The following NAA11 variants were observed in gnomAD, a reference collection of about 807,000 sequenced individuals.
NAA11 encodes N-alpha-acetyltransferase 11, NatA catalytic subunit.
A neutral mutation model predicts 16.1 loss-of-function variants in NAA11; 15 were observed. The observed-to-expected ratio is 0.93, with a 90% confidence interval of 0.62 to 1.44. NAA11 has a LOEUF of 1.44. NAA11 is among the 40% of genes most tolerant of loss of function. The probability of loss-of-function intolerance (pLI) is 0.00; values close to 1 mark genes in which losing one functional copy is unlikely to be tolerated. For synonymous variants in NAA11, 122 were observed against 112.4 expected (o/e 1.09, Z -0.54); for missense variants, 298 against 291.3 (o/e 1.02, Z -0.17).
At chr4:79,158,896 T>C in the NAA11 span, among the ~76,000 whole-genome samples, 95 of 151,812 alleles carry the variant, frequency 6.3e-4, 1 homozygote, top group Non-Finnish European at 1.2e-3. Context: ...GGTGCTCAGA[T>C]GATTGGCAAG....
At chr4:79,168,501 T>G in the NAA11 span, among the ~76,000 whole-genome samples, 1 of 152,192 alleles carries the variant, frequency 6.6e-6, no homozygotes, top group African/African-American at 2.4e-5. Context: ...TGTAAAAGTG[T>G]TCCTGTTTCT....
intron 2 of NAA11, among the ~76,000 whole-genome samples, chr4:79,284,920 T>C (rs1578178463): frequency 1.3e-5 from 2 of 151,830 alleles, no homozygotes; most frequent in South Asian, 4.2e-4. Flanking sequence ...GATTGAGGTC[T>C]TTAAGAATGT....
At chr4:79,251,263 T>G (rs899203303) in intron 2 of NAA11, among the ~76,000 whole-genome samples, 4 of 152,332 alleles carry the variant, frequency 2.6e-5, no homozygotes, top group Admixed American at 6.5e-5. Flanking sequence ...AAGAAAATGT[T>G]GTATATATAC....
downstream of NAA11, among the ~76,000 whole-genome samples, chr4:79,311,980 C>G (rs1274130490): frequency 1.3e-5 from 2 of 152,160 alleles, no homozygotes; most frequent in Non-Finnish European, 2.9e-5. Flanking sequence ...AAGAGCAGTT[C>G]TATGGGGCTG....
At chr4:79,167,459 A>G in the NAA11 span, among the ~76,000 whole-genome samples, 1 of 151,620 alleles carries the variant, frequency 6.6e-6, no homozygotes, top group Non-Finnish European at 1.5e-5. Context: ...TATGATAGGG[A>G]TAATAGTATC....
At chr4:79,177,990 T>C in the NAA11 span, among the ~76,000 whole-genome samples, 4 of 152,186 alleles carry the variant, frequency 2.6e-5, no homozygotes, top group Non-Finnish European at 5.9e-5. Flanking sequence ...TCATAGCTGT[T>C]CTCAGATTGT....
the NAA11 span, among the ~76,000 whole-genome samples, chr4:79,212,325 G>T: frequency 6.6e-6 from 1 of 151,664 alleles, no homozygotes. Context: ...TTTTACTCTG[G>T]GCCATTATTT....
chr4:79,286,424 G>T (rs1377676893), intron 2 of NAA11, among the ~76,000 whole-genome samples: 3 of 152,034 alleles, frequency 2.0e-5, no homozygotes, highest in Admixed American at 2.0e-4. Context: ...CTTAAAGGAA[G>T]TGTTTATAGA....
chr4:79,271,999 TACAC>T (rs955211239), intron 2 of NAA11, among the ~76,000 whole-genome samples: 1 of 151,458 alleles, frequency 6.6e-6, no homozygotes, highest in African/African-American at 2.4e-5. Context: ...TATATATGTA[TACAC>T]ACACACACAT....
intron 2 of NAA11, among the ~76,000 whole-genome samples, chr4:79,253,110 C>G (rs1264073890): frequency 6.6e-6 from 1 of 152,014 alleles, no homozygotes; most frequent in African/African-American, 2.4e-5. Context: ...ATAGGAAGTG[C>G]AGTGAGGATA....
At chr4:79,228,858 ATGTT>A (rs1445224077) in intron 2 of NAA11, among the ~76,000 whole-genome samples, 1 of 152,058 alleles carries the variant, frequency 6.6e-6, no homozygotes, top group Admixed American at 6.6e-5. Context: ...TATGGTATGT[ATGTT>A]TGTTCAAACA....
intron 2 of NAA11, among the ~76,000 whole-genome samples, chr4:79,291,052 G>A (rs537684714): frequency 2.0e-5 from 3 of 152,136 alleles, no homozygotes; most frequent in South Asian, 4.2e-4. Flanking sequence ...GAAAAAAACA[G>A]TTTTACTACA....
chr4:79,181,514 C>T, the NAA11 span, among the ~76,000 whole-genome samples: 1 of 152,130 alleles, frequency 6.6e-6, no homozygotes, highest in Non-Finnish European at 1.5e-5. Context: ...ATTACACACG[C>T]GGTGGCCATG....
intron 2 of NAA11, among the ~76,000 whole-genome samples, chr4:79,289,289 A>G (rs1388793445): frequency 6.6e-6 from 1 of 152,240 alleles, no homozygotes; most frequent in Non-Finnish European, 1.5e-5. Context: ...ATCATGTCAT[A>G]AGTAATGGAT....
intron 2 of NAA11, among the ~76,000 whole-genome samples, chr4:79,263,203 G>A (rs1051444030): frequency 1.3e-5 from 2 of 152,010 alleles, no homozygotes; most frequent in African/African-American, 4.8e-5. Flanking sequence ...ATTAAAATAC[G>A]ACTTTAACAA....
the NAA11 span, among the ~76,000 whole-genome samples, chr4:79,174,482 T>C: frequency 4.0e-5 from 6 of 151,428 alleles, no homozygotes; most frequent in African/African-American, 1.2e-4. Context: ...GTAGAGAGTA[T>C]GAAGGTTACA....
the NAA11 span, among the ~76,000 whole-genome samples, chr4:79,208,527 G>A: frequency 1.3e-5 from 2 of 152,184 alleles, no homozygotes; most frequent in East Asian, 1.9e-4. Context: ...GCCCACATAT[G>A]AAAGAAAAGC....
At chr4:79,229,704 G>T (rs964322476) in intron 2 of NAA11, among the ~76,000 whole-genome samples, 7 of 151,862 alleles carry the variant, frequency 4.6e-5, no homozygotes, top group Non-Finnish European at 8.8e-5. Flanking sequence ...TGAGTTCTTT[G>T]TGTGTGCCAT....
the NAA11 span, among the ~76,000 whole-genome samples, chr4:79,173,005 A>G: frequency 6.6e-6 from 1 of 152,068 alleles, no homozygotes. Flanking sequence ...ATAAGACCAC[A>G]CTTGTTGCTC....
Sources: allele counts gnomAD v4.1 joint callset (sites outside exome capture counted in the v4.1 genomes callset), GRCh38; gene constraint gnomAD v4.1.1; transcripts MANE v1.5; gene names NCBI Gene and HGNC (gene_info 2026-07-23, HGNC 2026-07-21).